Variants in MATCAP2 observed in about 807,000 individuals in gnomAD.
MATCAP2 encodes the protein putative tyrosine carboxypeptidase MATCAP2.
the MATCAP2 span, among the ~76,000 whole-genome samples, chr7:36,382,945 G>A: frequency 8.5e-5 from 13 of 152,156 alleles, no homozygotes; most frequent in African/African-American, 3.1e-4. Context: ...TATTAACCAC[G>A]TGAGAAAATA....
At chr7:36,327,302 C>G in the MATCAP2 span, among the ~76,000 whole-genome samples, 1 of 152,148 alleles carries the variant, frequency 6.6e-6, no homozygotes, top group African/African-American at 2.4e-5. Flanking sequence ...CCACACCTGG[C>G]TAATTTTTTG....
the MATCAP2 span, chr7:36,357,242 G>C: frequency 6.2e-7 from 1 of 1,614,158 alleles, no homozygotes. Context: ...CACTGAACTA[G>C]TGACAAAAAC....
the MATCAP2 span, among the ~76,000 whole-genome samples, chr7:36,331,552 A>G: frequency 6.6e-6 from 1 of 152,208 alleles, no homozygotes; most frequent in Admixed American, 6.5e-5. Flanking sequence ...TAGAATATTA[A>G]TAATCCTCAC....
the MATCAP2 span, among the ~76,000 whole-genome samples, chr7:36,341,459 T>C: frequency 6.6e-6 from 1 of 152,218 alleles, no homozygotes; most frequent in Admixed American, 6.5e-5. Flanking sequence ...ATTTTCTGCA[T>C]TGCTATAATC....
the MATCAP2 span, among the ~76,000 whole-genome samples, chr7:36,377,714 T>A: frequency 3.3e-5 from 5 of 152,314 alleles, no homozygotes; most frequent in East Asian, 9.6e-4. Context: ...TTGGTTCCAT[T>A]CTCCGCATCA....
the MATCAP2 span, among the ~76,000 whole-genome samples, chr7:36,358,930 A>C: frequency 6.6e-6 from 1 of 152,210 alleles, no homozygotes; most frequent in Non-Finnish European, 1.5e-5. Context: ...GTAGGCCCTT[A>C]AGGGTTTTCA....
chr7:36,368,461 C>T, the MATCAP2 span: 1 of 152,210 alleles, frequency 6.6e-6, no homozygotes, highest in Non-Finnish European at 1.5e-5. Flanking sequence ...CATATTCTGT[C>T]TTCAAATCCT....
the MATCAP2 span, chr7:36,390,138 C>T: frequency 6.3e-7 from 1 of 1,595,752 alleles, no homozygotes; most frequent in South Asian, 1.1e-5. Context: ...CCCCACCGGG[C>T]GGAGGGCGCG....
the MATCAP2 span, among the ~76,000 whole-genome samples, chr7:36,349,566 G>A: frequency 2.0e-5 from 3 of 152,066 alleles, no homozygotes; most frequent in South Asian, 4.2e-4. Context: ...TTGTATTCTC[G>A]GCTGAATTTC....
the MATCAP2 span, among the ~76,000 whole-genome samples, chr7:36,332,017 CAGTT>C: frequency 1.3e-5 from 2 of 152,050 alleles, no homozygotes; most frequent in African/African-American, 4.8e-5. Flanking sequence ...AGACGAACCA[CAGTT>C]AGAAAATGTT....
the MATCAP2 span, among the ~76,000 whole-genome samples, chr7:36,353,764 A>G: frequency 3.9e-5 from 6 of 152,192 alleles, no homozygotes; most frequent in African/African-American, 1.4e-4. Context: ...TACAGGTGTG[A>G]GCCACCATAC....
the MATCAP2 span, among the ~76,000 whole-genome samples, chr7:36,378,863 G>A: frequency 1.3e-5 from 2 of 152,270 alleles, no homozygotes; most frequent in East Asian, 1.9e-4. Context: ...GGACTGCTGT[G>A]CTAGCAGTGA....
At chr7:36,346,168 G>A in the MATCAP2 span, among the ~76,000 whole-genome samples, 6 of 152,058 alleles carry the variant, frequency 3.9e-5, no homozygotes, top group East Asian at 1.9e-4. Context: ...AAACTGGAAC[G>A]CTCACATGCT....
chr7:36,379,876 A>T, the MATCAP2 span, among the ~76,000 whole-genome samples: 251 of 149,564 alleles, frequency 1.7e-3, 2 homozygotes, highest in African/African-American at 6.0e-3. Flanking sequence ...AGAGAGAGAG[A>T]ATATAAAGCC....
chr7:36,384,876 A>G, the MATCAP2 span, among the ~76,000 whole-genome samples: 12 of 152,258 alleles, frequency 7.9e-5, no homozygotes, highest in East Asian at 1.9e-3. Flanking sequence ...AAAAAAAAAA[A>G]AGGAAAGTAT....
At chr7:36,348,374 C>T in the MATCAP2 span, among the ~76,000 whole-genome samples, 3,203 of 152,254 alleles carry the variant, frequency 0.021, 53 homozygotes, top group Non-Finnish European at 0.031. Context: ...CTGTAAGCAC[C>T]AATCACTGTG....
the MATCAP2 span, among the ~76,000 whole-genome samples, chr7:36,336,758 T>C: frequency 6.6e-6 from 1 of 151,878 alleles, no homozygotes; most frequent in Non-Finnish European, 1.5e-5. Context: ...AATCAATCAG[T>C]CTGACCCCAA....
the MATCAP2 span, chr7:36,389,762 G>A: frequency 2.2e-6 from 1 of 460,186 alleles, no homozygotes; most frequent in Non-Finnish European, 3.6e-6. Flanking sequence ...GCGCGGCCAC[G>A]TGACCGAGCG....
At chr7:36,353,090 G>C in the MATCAP2 span, among the ~76,000 whole-genome samples, 1 of 151,986 alleles carries the variant, frequency 6.6e-6, no homozygotes, top group South Asian at 2.1e-4. Flanking sequence ...ACAGCATAGT[G>C]AGACCCCCCC....
Sources: gnomAD v4.1 joint callset for allele counts (sites outside exome capture counted in the v4.1 genomes callset) on GRCh38, gnomAD v4.1.1 for gene constraint, MANE v1.5 for transcripts, NCBI Gene and HGNC (gene_info 2026-07-23, HGNC 2026-07-21) for gene names.